TMEM255B: variants seen among roughly 807,000 people sequenced by gnomAD.
TMEM255B encodes the protein transmembrane protein 255B, also known as family with sequence similarity 70, member B.
TMEM255B carries 35 observed loss-of-function variants against 34.5 expected under a neutral mutation model. The ratio of observed to expected loss-of-function variants is 1.01; its 90% confidence interval spans 0.77 to 1.34. The LOEUF (loss-of-function observed/expected upper bound fraction) is 1.34, where lower values mean the gene tolerates loss of function less well. TMEM255B is among the 40% of genes most tolerant of loss of function. The probability of loss-of-function intolerance (pLI) is 0.00; values close to 1 mark genes in which losing one functional copy is unlikely to be tolerated. For missense variants in TMEM255B, 432 were observed against 433.2 expected, an observed-to-expected ratio of 1.00 and a Z score of 0.02; for synonymous variants, 206 against 201.2, an observed-to-expected ratio of 1.02 and a Z score of -0.20.
chr13:113,761,139 C>A, intron 1 of TMEM255B: 1 of 977,240 alleles, frequency 1.0e-6, no homozygotes, highest in Non-Finnish European at 1.2e-6. Context: ...ACTTGGACAC[C>A]ATGACTGGTG....
At chr13:113,804,677 G>A (rs1008418088) in intron 7 of TMEM255B, among the ~76,000 whole-genome samples, 16 of 132,808 alleles carry the variant, frequency 1.2e-4, no homozygotes, top group African/African-American at 4.3e-4. Context: ...GGGTATAAAC[G>A]CACGCCGGGC....
intron 7 of TMEM255B, among the ~76,000 whole-genome samples, chr13:113,803,807 G>T (rs996336353): frequency 1.3e-5 from 2 of 152,212 alleles, no homozygotes; most frequent in African/African-American, 2.4e-5. Flanking sequence ...ACCTTCCAGT[G>T]CCCGCTGGGC....
At chr13:113,780,591 C>T (rs2050651987) in intron 3 of TMEM255B, among the ~76,000 whole-genome samples, 1 of 152,186 alleles carries the variant, frequency 6.6e-6, no homozygotes, top group Non-Finnish European at 1.5e-5. Context: ...CCTATTGGTT[C>T]AGTTCATGTA....
intron 3 of TMEM255B, among the ~76,000 whole-genome samples, chr13:113,790,645 G>C (rs111457934): frequency 3.2e-5 from 4 of 126,354 alleles, no homozygotes; most frequent in Admixed American, 7.9e-5. Context: ...TATCCTAGCT[G>C]TGGACTGACC....
chr13:113,807,288 A>G (rs1225609286), intron 8 of TMEM255B, among the ~76,000 whole-genome samples: 1 of 150,700 alleles, frequency 6.6e-6, no homozygotes. Flanking sequence ...ACGCAGGCTT[A>G]CGGGATGTGG....
chr13:113,763,400 C>G (rs1277969555), intron 1 of TMEM255B, among the ~76,000 whole-genome samples: 1 of 152,134 alleles, frequency 6.6e-6, no homozygotes, highest in Non-Finnish European at 1.5e-5. Context: ...TTCCTCTTGC[C>G]CACTTGCTCC....
At chr13:113,803,098 C>T (rs1472557135) in intron 7 of TMEM255B, 4 of 148,184 alleles carry the variant, frequency 2.7e-5, no homozygotes, top group African/African-American at 7.4e-5. Context: ...GGTGCAGGCG[C>T]CATGCTCGCC....
intron 3 of TMEM255B, among the ~76,000 whole-genome samples, chr13:113,785,643 C>A (rs539539064): frequency 3.9e-5 from 6 of 152,322 alleles, no homozygotes; most frequent in African/African-American, 1.4e-4. Context: ...CATGAGCTTT[C>A]CCTGGTTTTG....
chr13:113,775,222 CCA>C (rs1671380926), intron 3 of TMEM255B, among the ~76,000 whole-genome samples: 2 of 152,154 alleles, frequency 1.3e-5, no homozygotes, highest in South Asian at 4.1e-4. Flanking sequence ...ACCACACACA[CCA>C]CACATACTAT....
chr13:113,799,569 C>T (rs568340678), intron 5 of TMEM255B, 150 bp downstream of exon 5: 1 of 701,842 alleles, frequency 1.4e-6, no homozygotes, highest in Non-Finnish European at 2.5e-6. Flanking sequence ...GTTGATGCCC[C>T]CTGTGTTTGG....
At position 113,816,247 on chromosome 13, in the gene TMEM255B, T is replaced by G. The variant is rs1162684455; in HGVS notation, c.*4344T>G. 6.2e-6 allele frequency: 1 copy of G among 161,936 alleles called. No individual in the cohort carries two copies. Among genetic ancestry groups the G allele is most frequent in the East Asian group, 1.9e-4 (1 of 5,176 alleles). The allele number at this position is 161,936 out of a possible 1,614,324, so 10.0% of individuals were successfully genotyped here. ...AGTCACTGGTCAGGGATACGAGTTC[T>G]TTTCGGGGAGGCAAGTGTGTTCTAA... On this transcript the variant is annotated 3_prime_UTR_variant, in exon 9 of 9. Transcript: ENST00000375353.
intron 3 of TMEM255B, among the ~76,000 whole-genome samples, chr13:113,772,652 G>A (rs541511694): frequency 2.6e-5 from 4 of 152,322 alleles, no homozygotes; most frequent in South Asian, 4.1e-4. Context: ...AGCACCATTT[G>A]CTGAAAAGAC....
Position 113,809,279 on chromosome 13 carries a change from CTGGTTCCTGGGGGTTTACTCTG to C in TMEM255B, c.814-2436_814-2415del, listed in dbSNP as rs1294237359. Among the ~76,000 whole-genome samples, 24 of 59,064 alleles carry C rather than the reference CTGGTTCCTGGGGGTTTACTCTG, an allele frequency of 4.1e-4. 1 individual carries two copies. The highest frequency in any genetic ancestry group is 1.2e-3 in the African/African-American group (17 of 13,612). 38.7% of individuals were successfully genotyped at this position (59,064 alleles called of 152,430 possible). A position where few individuals can be genotyped will look rare whatever the true frequency, so the allele number is the denominator to read the frequency against. On this transcript the variant is annotated intron_variant, in intron 8 of 8. Transcript: ENST00000375353. ...CTCTGTGGTTCCTGGGGGTTTAACTCTGGTTCCTGGGGGTTTACTCTGTGGTTCCTGGGGGTTTACTCCATGG... is the reference window on the plus strand; with the variant it reads ...CTCTGTGGTTCCTGGGGGTTTAACTCTGGTTCCTGGGGGTTTACTCCATGG...
rs1555365009 is a variant in TMEM255B at position 113,775,064 on chromosome 13, C to CA, written c.252+5904_252+5905insA. 1.8e-4 allele frequency among the ~76,000 whole-genome samples: 27 copies of CA among 149,232 alleles called. 2 individuals are homozygous for CA. The South Asian group carries it at 5.5e-3, about 31-fold the overall frequency. ...CATTGCACACACAACACACCACACA[C>CA]CACACACTCCACACACACCACATAC... On this transcript the variant is annotated intron_variant, in intron 3 of 8. Transcript: ENST00000375353.
At chr13:113,791,484 CAG>C (rs1214541898) in intron 3 of TMEM255B, among the ~76,000 whole-genome samples, 1 of 152,164 alleles carries the variant, frequency 6.6e-6, no homozygotes, top group African/African-American at 2.4e-5. Flanking sequence ...ACACACCCCT[CAG>C]GGATCTGTGG....
At chr13:113,799,638 C>A (rs2051005973) in intron 5 of TMEM255B, 1 of 634,086 alleles carries the variant, frequency 1.6e-6, no homozygotes, top group Non-Finnish European at 2.9e-6. Context: ...GGACTTGCTT[C>A]ATTAAATCAC....
In TMEM255B at chr13:113,764,187, C is replaced by T. The variant is rs576524450; in HGVS notation, c.47-1928C>T. Among the ~76,000 whole-genome samples, 5 of 152,336 alleles carry T rather than the reference C, an allele frequency of 3.3e-5. No homozygotes were observed. The South Asian group carries it at 8.3e-4, about 25-fold the overall frequency. ...TGGGGCTGGGGGAGCATGACTTTAA[C>T]AGACACTGGGTGATGGATGTGTAGG... On this transcript the variant is annotated intron_variant, in intron 1 of 8. Transcript: ENST00000375353.
chr13:113,800,686 G>A (rs2138573584), intron 5 of TMEM255B, 141 bp from the exon 6 acceptor site: 1 of 739,860 alleles, frequency 1.4e-6, no homozygotes, highest in Non-Finnish European at 2.3e-6. Flanking sequence ...TGTGTCTGGA[G>A]TCGGGGGAAA....
At chr13:113,793,220 G>A (rs1048442175) in intron 3 of TMEM255B, among the ~76,000 whole-genome samples, 3 of 152,200 alleles carry the variant, frequency 2.0e-5, no homozygotes, top group African/African-American at 4.8e-5. Flanking sequence ...CTGCCCCCTC[G>A]CACAGCCACT....
Sources: allele counts gnomAD v4.1 joint callset (sites outside exome capture counted in the v4.1 genomes callset), GRCh38; gene constraint gnomAD v4.1.1; transcripts MANE v1.5; gene names NCBI Gene and HGNC (gene_info 2026-07-23, HGNC 2026-07-21).